The following DSCAM variants were observed in gnomAD, a reference collection of about 807,000 sequenced individuals.
DSCAM encodes the protein DS cell adhesion molecule.
A neutral mutation model predicts 217.7 loss-of-function variants in DSCAM; 47 were observed. The ratio of observed to expected loss-of-function variants is 0.22; its 90% CI spans 0.17 to 0.28. The LOEUF (loss-of-function observed/expected upper bound fraction) is 0.28. Among genes scored for constraint, DSCAM ranks in the 10% least tolerant of loss-of-function variants. The probability of loss-of-function intolerance (pLI) is 1.00; values close to 1 mark genes in which losing one functional copy is unlikely to be tolerated. For missense variants in DSCAM, 2,080 were observed against 2,618.3 expected, an observed-to-expected ratio of 0.79 and a Z score of 4.49; for synonymous variants, 1,056 against 1,015.3, an observed-to-expected ratio of 1.04 and a Z score of -0.76.
At chr21:40,373,034 T>A (rs1485813812) in intron 3 of DSCAM, among the ~76,000 whole-genome samples, 1 of 152,074 alleles carries the variant, frequency 6.6e-6, no homozygotes, top group East Asian at 1.9e-4. Flanking sequence ...AGATTTGGAG[T>A]TCTACAGCCA....
intron 27 of DSCAM, among the ~76,000 whole-genome samples, chr21:40,068,129 A>G (rs1180916036): frequency 6.6e-6 from 1 of 152,168 alleles, no homozygotes; most frequent in Non-Finnish European, 1.5e-5. Context: ...TAATCTAGTG[A>G]TATTAAAATG....
intron 11 of DSCAM, among the ~76,000 whole-genome samples, chr21:40,197,239 C>T: frequency 6.6e-6 from 1 of 152,168 alleles, no homozygotes; most frequent in East Asian, 1.9e-4. Context: ...CTGCCTCAGC[C>T]TCCCGAGTAG....
chr21:40,471,628 A>G (rs73361162), intron 3 of DSCAM, among the ~76,000 whole-genome samples: 2,916 of 152,234 alleles, frequency 0.019, 90 homozygotes, highest in African/African-American at 0.066. Context: ...CTGCCCAAGG[A>G]CACGCAGCTG....
At chr21:40,839,138 C>T (rs556630219) in intron 1 of DSCAM, among the ~76,000 whole-genome samples, 295 of 152,250 alleles carry the variant, frequency 1.9e-3, no homozygotes, top group Admixed American at 6.2e-3. Context: ...TTTATAAGAG[C>T]ATGTGGCATT....
chr21:40,439,837 A>G (rs767067851), intron 3 of DSCAM, among the ~76,000 whole-genome samples: 22 of 152,148 alleles, frequency 1.4e-4, no homozygotes, highest in Admixed American at 4.6e-4. Context: ...CTATCACAAG[A>G]TCACGAGAAC....
chr21:40,644,220 C>A (rs757728856), intron 3 of DSCAM, among the ~76,000 whole-genome samples: 1 of 152,198 alleles, frequency 6.6e-6, no homozygotes, highest in Non-Finnish European at 1.5e-5. Flanking sequence ...TGGATGAACA[C>A]GCTCTTTCAA....
intron 3 of DSCAM, among the ~76,000 whole-genome samples, chr21:40,620,343 AAGAG>A (rs1196692110): frequency 2.2e-5 from 3 of 134,906 alleles, no homozygotes; most frequent in Non-Finnish European, 4.8e-5. Flanking sequence ...AAAAGAAAGA[AAGAG>A]AAAGAGAGAG....
chr21:40,129,556 A>G (rs961413320), intron 19 of DSCAM, among the ~76,000 whole-genome samples: 2 of 152,132 alleles, frequency 1.3e-5, no homozygotes, highest in African/African-American at 4.8e-5. Flanking sequence ...GTAAGAACCT[A>G]GTTTGGGATC....
At chr21:40,294,968 C>A (rs1442114326) in intron 10 of DSCAM, among the ~76,000 whole-genome samples, 1 of 152,088 alleles carries the variant, frequency 6.6e-6, no homozygotes. Context: ...AGCAACCTTC[C>A]CCACTTCTTT....
intron 1 of DSCAM, among the ~76,000 whole-genome samples, chr21:40,714,813 G>A (rs766756706): frequency 7.2e-5 from 11 of 152,190 alleles, no homozygotes; most frequent in Non-Finnish European, 1.5e-4. Context: ...GGAGGCCAGG[G>A]CAGAATACCA....
chr21:40,233,250 A>G (rs893875938), intron 11 of DSCAM, among the ~76,000 whole-genome samples: 6 of 152,202 alleles, frequency 3.9e-5, no homozygotes, highest in African/African-American at 1.4e-4. Context: ...AAAATTTATA[A>G]GTTGAACTGA....
At chr21:40,464,378 G>C (rs1225065715) in intron 3 of DSCAM, among the ~76,000 whole-genome samples, 1 of 152,126 alleles carries the variant, frequency 6.6e-6, no homozygotes, top group Non-Finnish European at 1.5e-5. Flanking sequence ...AGTACAATGG[G>C]GAAAAATAGA....
At chr21:40,447,085 G>A (rs1039063560) in intron 3 of DSCAM, among the ~76,000 whole-genome samples, 2 of 152,142 alleles carry the variant, frequency 1.3e-5, no homozygotes, top group Admixed American at 6.6e-5. Flanking sequence ...GGATGCAGAT[G>A]AGATCCCTTC....
intron 1 of DSCAM, among the ~76,000 whole-genome samples, chr21:40,745,219 A>G (rs1351450290): frequency 6.6e-6 from 1 of 152,164 alleles, no homozygotes. Flanking sequence ...TAAAAGAGAA[A>G]AAGTTCTAGA....
chr21:40,458,076 G>T (rs928733262), intron 3 of DSCAM, among the ~76,000 whole-genome samples: 1 of 152,026 alleles, frequency 6.6e-6, no homozygotes, highest in Non-Finnish European at 1.5e-5. Flanking sequence ...CAATAGTGAG[G>T]GACTTCAATT....
chr21:40,792,802 C>T (rs2091657462), intron 1 of DSCAM, among the ~76,000 whole-genome samples: 1 of 152,208 alleles, frequency 6.6e-6, no homozygotes, highest in South Asian at 2.1e-4. Flanking sequence ...TGAGACCATC[C>T]GTTTTCTACC....
intron 3 of DSCAM, among the ~76,000 whole-genome samples, chr21:40,526,067 T>A (rs1479043553): frequency 6.6e-6 from 1 of 152,058 alleles, no homozygotes; most frequent in Non-Finnish European, 1.5e-5. Context: ...GTTCCCCAAT[T>A]TCCTAGGATA....
chr21:40,561,516 T>G (rs2076720338), intron 3 of DSCAM, among the ~76,000 whole-genome samples: 1 of 152,242 alleles, frequency 6.6e-6, no homozygotes, highest in Non-Finnish European at 1.5e-5. Flanking sequence ...ACCTGCTATT[T>G]GAGACAATTT....
chr21:40,814,927 T>C (rs935790355), intron 1 of DSCAM, among the ~76,000 whole-genome samples: 9 of 152,176 alleles, frequency 5.9e-5, no homozygotes, highest in African/African-American at 2.2e-4. Context: ...AGCGAGGTGA[T>C]TGCAGTGTTT....
Sources: gnomAD v4.1 joint callset for allele counts (sites outside exome capture counted in the v4.1 genomes callset) on GRCh38, gnomAD v4.1.1 for gene constraint, MANE v1.5 for transcripts, NCBI Gene and HGNC (gene_info 2026-07-23, HGNC 2026-07-21) for gene names.